RC3H1: variants seen among roughly 807,000 people sequenced by gnomAD.
The protein encoded by RC3H1 is roquin-1.
In RC3H1, 50 loss-of-function variants were observed where a neutral mutation model predicts 138.2. The ratio of observed to expected loss-of-function variants is 0.36; its 90% CI spans 0.29 to 0.46. RC3H1 has a LOEUF of 0.46. RC3H1 is among the 20% of genes least tolerant of loss of function. RC3H1 has a pLI of 1.00. For missense variants in RC3H1, 1,031 were observed against 1,388.1 expected (o/e 0.74, Z 4.09); for synonymous variants, 462 against 489.1 (o/e 0.94, Z 0.73).
intron 13 of RC3H1, among the ~76,000 whole-genome samples, chr1:173,960,598 T>C (rs1015603160): frequency 1.3e-5 from 2 of 152,212 alleles, no homozygotes; most frequent in African/African-American, 4.8e-5. Context: ...AGATCTGATG[T>C]AATCCTAATC....
In RC3H1 at chr1:173,938,620, G is replaced by T; in HGVS notation, c.*101C>A. 3.6e-6 allele frequency: 3 copies of T among 837,138 alleles called. No homozygotes were observed. The South Asian group carries it at 9.1e-5, about 25-fold the overall frequency. The allele number at this position is 837,138 out of a possible 1,614,324, so 51.9% of individuals were successfully genotyped here. On this transcript the variant is annotated 3_prime_UTR_variant, in exon 20 of 20. Transcript: ENST00000367696. ...TCTGGTGAATTTCCTGGATTTCTCTGACCGCTCTTAAGAGAAAAAGTTTAG... is the reference window on the plus strand; with the variant it reads ...TCTGGTGAATTTCCTGGATTTCTCTTACCGCTCTTAAGAGAAAAAGTTTAG...
chr1:173,968,402 T>C (rs1464662443), intron 9 of RC3H1, among the ~76,000 whole-genome samples: 1 of 152,210 alleles, frequency 6.6e-6, no homozygotes, highest in Non-Finnish European at 1.5e-5. Flanking sequence ...ACAGTATATT[T>C]ACTCAATATT....
At chr1:173,958,977 A>T (rs1659757732) in intron 13 of RC3H1, among the ~76,000 whole-genome samples, 1 of 152,322 alleles carries the variant, frequency 6.6e-6, no homozygotes, top group Middle Eastern at 3.4e-3. Context: ...CTTCATAAAT[A>T]TGATAAAGAT....
At chr1:173,957,557 C>A (rs184481895) in intron 13 of RC3H1, among the ~76,000 whole-genome samples, 2 of 151,978 alleles carry the variant, frequency 1.3e-5, no homozygotes, top group Admixed American at 6.6e-5. Flanking sequence ...TTTCTTCCCC[C>A]CCTCTAATTT....
intron 3 of RC3H1, 110 bp downstream of exon 3, chr1:173,984,389 T>C: frequency 1.0e-6 from 1 of 955,886 alleles, no homozygotes; most frequent in Non-Finnish European, 1.5e-6. Flanking sequence ...TGCATCAAAT[T>C]TACCTCTAGT....
chr1:174,019,179 T>C (rs1401841492), intron 1 of RC3H1, among the ~76,000 whole-genome samples: 1 of 152,228 alleles, frequency 6.6e-6, no homozygotes, highest in Non-Finnish European at 1.5e-5. Context: ...TTATATTTTA[T>C]AGCATTCAGA....
intron 2 of RC3H1, among the ~76,000 whole-genome samples, chr1:173,988,177 G>A (rs1454725180): frequency 6.6e-6 from 1 of 152,080 alleles, no homozygotes; most frequent in Non-Finnish European, 1.5e-5. Context: ...CACAATTACA[G>A]AATCATAAAG....
intron 12 of RC3H1, 40 bp from the exon 13 acceptor site, chr1:173,961,284 C>T: frequency 6.4e-7 from 1 of 1,552,198 alleles, no homozygotes; most frequent in Non-Finnish European, 8.8e-7. Flanking sequence ...AAGAGAATTT[C>T]AGGACAGATT....
intron 1 of RC3H1, among the ~76,000 whole-genome samples, chr1:174,002,290 T>G (rs1157873418): frequency 1.3e-5 from 2 of 152,176 alleles, no homozygotes; most frequent in Non-Finnish European, 2.9e-5. Context: ...CCAGTTATTT[T>G]GAGACACACA....
Position 173,937,174 on chromosome 1 carries a change from T to A in RC3H1, c.*1547A>T, listed in dbSNP as rs1011195279. 1.3e-5 allele frequency: 2 copies of A among 152,300 alleles called. No individual in the cohort carries two copies. Among genetic ancestry groups the A allele is most frequent in the African/African-American group, 2.4e-5 (1 of 41,346 alleles). The allele number at this position is 152,300 out of a possible 1,614,324, so 9.4% of individuals were successfully genotyped here. On this transcript the variant is annotated 3_prime_UTR_variant, in exon 20 of 20. Coordinates refer to ENST00000367696, the MANE Select transcript of RC3H1 (RefSeq NM_172071.4). ...ACTGGTAGGCAATGGCAGGACTGTA[T>A]TACCCTTCCCACCCCCACCACCCAT... is the stretch of plus-strand genomic sequence containing the variant.
Position 173,981,021 on chromosome 1 carries a change from C to T in RC3H1, c.769-12G>A, listed in dbSNP as rs746387216. ...TCACGTTTGGTGACCTAATAAGACACAAATAATCTCATAATGAAGTCAAAA... is the reference window on the plus strand; with the variant it reads ...TCACGTTTGGTGACCTAATAAGACATAAATAATCTCATAATGAAGTCAAAA... On this transcript the variant is annotated splice_polypyrimidine_tract_variant and intron_variant, in intron 5 of 19. Transcript: ENST00000367696. The T allele has an allele frequency of 1.2e-6, 2 of 1,607,246 alleles. No individual in the cohort carries two copies. The highest frequency in any genetic ancestry group is 1.7e-5 in the Admixed American group (1 of 59,506).
chr1:173,978,884 A>G (rs1660687910), intron 6 of RC3H1, among the ~76,000 whole-genome samples: 1 of 152,146 alleles, frequency 6.6e-6, no homozygotes, highest in Admixed American at 6.5e-5. Context: ...CCTACCATCA[A>G]TTAGATATAC....
intron 8 of RC3H1, 61 bp from the exon 9 acceptor site, chr1:173,970,678 G>A (rs1356311055): frequency 5.5e-6 from 6 of 1,090,058 alleles, no homozygotes; most frequent in African/African-American, 3.2e-5. Flanking sequence ...CATAAATTTT[G>A]TGTTGTCATT....
chr1:174,005,119 G>C (rs1314868057), intron 1 of RC3H1, among the ~76,000 whole-genome samples: 1 of 152,216 alleles, frequency 6.6e-6, no homozygotes, highest in African/African-American at 2.4e-5. Context: ...CAACAGAAGT[G>C]ATGCTGGGAG....
intron 9 of RC3H1, among the ~76,000 whole-genome samples, chr1:173,966,139 C>CA (rs902076424): frequency 6.6e-6 from 1 of 150,806 alleles, no homozygotes; most frequent in Non-Finnish European, 1.5e-5. Context: ...GACCCTGTTT[C>CA]AAAAAAAAAT....
chr1:173,977,628 T>C (rs2102993377), intron 7 of RC3H1, among the ~76,000 whole-genome samples: 2 of 152,248 alleles, frequency 1.3e-5, no homozygotes, highest in Middle Eastern at 6.8e-3. Context: ...ATAGAGATAT[T>C]TGGGAGTCTG....
intron 9 of RC3H1, among the ~76,000 whole-genome samples, 157 bp downstream of exon 9, chr1:173,970,348 C>A (rs977688152): frequency 6.6e-6 from 1 of 152,156 alleles, no homozygotes; most frequent in African/African-American, 2.4e-5. Context: ...GATTTTGAAG[C>A]ATTTCAGATT....
chr1:173,995,849 T>C (rs1287458795), intron 1 of RC3H1, among the ~76,000 whole-genome samples: 1 of 152,206 alleles, frequency 6.6e-6, no homozygotes, highest in Non-Finnish European at 1.5e-5. Context: ...AAACCTGATA[T>C]GTAAAAATAT....
intron 1 of RC3H1, among the ~76,000 whole-genome samples, chr1:174,000,336 T>C (rs1274224975): frequency 3.9e-5 from 6 of 152,216 alleles, no homozygotes; most frequent in African/African-American, 1.2e-4. Flanking sequence ...TCCTTTATTA[T>C]AGGTTCATTT....
Sources: gnomAD v4.1 joint callset for allele counts (sites outside exome capture counted in the v4.1 genomes callset) on GRCh38, gnomAD v4.1.1 for gene constraint, MANE v1.5 for transcripts, NCBI Gene and HGNC (gene_info 2026-07-23, HGNC 2026-07-21) for gene names.